PLVAP: variants seen among roughly 807,000 people sequenced by gnomAD.
The protein encoded by PLVAP is plasmalemma vesicle associated protein.
A neutral mutation model predicts 43.1 loss-of-function variants in PLVAP; 34 were observed. The observed-to-expected ratio is 0.79, with a 90% CI of 0.60 to 1.05. The LOEUF (loss-of-function observed/expected upper bound fraction) is 1.05. Ranked by LOEUF, PLVAP falls within the 50% of genes least tolerant of loss-of-function variation. The probability of loss-of-function intolerance (pLI) is 0.00; values close to 1 mark genes in which losing one functional copy is unlikely to be tolerated. For synonymous variants in PLVAP, 241 were observed against 237.3 expected (o/e 1.02, Z -0.14); for missense variants, 574 against 593.4 (o/e 0.97, Z 0.34).
At chr19:17,360,737 C>G (rs1568374002) in intron 4 of PLVAP, 35 bp downstream of exon 4, 2 of 1,605,142 alleles carry the variant, frequency 1.2e-6, no homozygotes, top group Non-Finnish European at 1.7e-6. Flanking sequence ...GGAAAGGGGC[C>G]CCTCCCCTAC....
chr19:17,367,458 G>A (rs34030105), intron 1 of PLVAP, among the ~76,000 whole-genome samples: 73,791 of 150,832 alleles, frequency 0.49, 18,182 homozygotes, highest in African/African-American at 0.57. Flanking sequence ...GCGCGATCTC[G>A]GCTCACTGCA....
At chr19:17,353,745 C>T (rs1163058933) in intron 5 of PLVAP, among the ~76,000 whole-genome samples, 2 of 152,162 alleles carry the variant, frequency 1.3e-5, no homozygotes, top group South Asian at 2.1e-4. Context: ...TTCTCTGTCT[C>T]GCCCATCACC....
intron 1 of PLVAP, among the ~76,000 whole-genome samples, chr19:17,374,824 A>G (rs2074588397): frequency 6.8e-6 from 1 of 147,070 alleles, no homozygotes; most frequent in Admixed American, 6.9e-5. Flanking sequence ...GTATGTATGT[A>G]TGTATTTATT....
At chr19:17,365,204 A>G (rs1599575334) in intron 3 of PLVAP, 82 bp downstream of exon 3, 5 of 1,341,204 alleles carry the variant, frequency 3.7e-6, no homozygotes, top group East Asian at 2.3e-5. Flanking sequence ...CTCAAAGCCA[A>G]CTCCAAGTTC....
At chr19:17,352,666 G>A (rs1287494932) in intron 5 of PLVAP, among the ~76,000 whole-genome samples, 1 of 152,040 alleles carries the variant, frequency 6.6e-6, no homozygotes, top group African/African-American at 2.4e-5. Flanking sequence ...CACACTTCAC[G>A]AGCCCCAAGC....
At chr19:17,364,120 C>T (rs1437079536) in intron 3 of PLVAP, among the ~76,000 whole-genome samples, 2 of 151,844 alleles carry the variant, frequency 1.3e-5, no homozygotes, top group Non-Finnish European at 2.9e-5. Flanking sequence ...GAGTCTCGCT[C>T]TGTCACCCAG....
At position 17,370,619 on chromosome 19, in the gene PLVAP, T is replaced by C. The variant is rs544895959; in HGVS notation, c.370-4424A>G. Reference sequence around the variant, plus strand: ...TCCATAGAGACAGGAAGCAGGTTGGTGGCTGTCAGGGATTGGGGGAGGGGA... The same window carrying C: ...TCCATAGAGACAGGAAGCAGGTTGGCGGCTGTCAGGGATTGGGGGAGGGGA... On this transcript the variant is annotated intron_variant, in intron 1 of 5. Transcript: ENST00000252590. 2.0e-5 allele frequency among the ~76,000 whole-genome samples: 3 copies of C among 152,216 alleles called. No homozygotes were observed. In the East Asian group the frequency reaches 5.8e-4, roughly 29 times the overall value.
chr19:17,376,907 C>T lies in PLVAP; in HGVS notation c.369+13G>A. The T allele has an allele frequency of 3.1e-6, 5 of 1,606,830 alleles. No homozygotes were observed. Among genetic ancestry groups the T allele is most frequent in the African/African-American group, 1.3e-5 (1 of 75,004 alleles). The stretch of plus-strand genomic sequence containing the variant: ...CAGGGTCCCCAGGGCGAGTGTCCTG[C>T]CCACAGCCTTACCCGGTCACCCTGG... On this transcript the variant is annotated intron_variant, in intron 1 of 5. Transcript: ENST00000252590.
chr19:17,375,986 G>A (rs558888343), intron 1 of PLVAP, among the ~76,000 whole-genome samples: 86 of 151,812 alleles, frequency 5.7e-4, no homozygotes, highest in African/African-American at 1.9e-3. Flanking sequence ...TTCAAGACCA[G>A]CCTGATCAAC....
intron 1 of PLVAP, among the ~76,000 whole-genome samples, chr19:17,375,675 A>T (rs7257538): frequency 0.5 from 75,362 of 151,692 alleles, 20,320 homozygotes; most frequent in Non-Finnish European, 0.62. Context: ...TGAGGTCAGG[A>T]GTTTGAGACC....
At chr19:17,356,356 G>T (rs560722666) in intron 5 of PLVAP, among the ~76,000 whole-genome samples, 2 of 152,126 alleles carry the variant, frequency 1.3e-5, no homozygotes, top group Non-Finnish European at 2.9e-5. Context: ...ACCTCACGCC[G>T]AAGCCCAGCT....
At position 17,365,904 on chromosome 19, in the gene PLVAP, C is replaced by T; in HGVS notation, c.561G>A (p.Leu187=). ...GTTCCTCCGCCACGCGTTTGTTCAG[C>T]AGCACGCTTTCCTTATCCTTAGTGC... ...TICTKDKESV[L]LNKRVAEEQL... is the part of the protein sequence containing the mutation. The change falls in exon 3 of 6, where the codon CTG becomes CTA. Residue 187 remains leucine, a synonymous_variant. Coordinates refer to ENST00000252590, the MANE Select transcript of PLVAP (RefSeq NM_031310.3). 2.5e-6 allele frequency: 4 copies of T among 1,614,078 alleles called. No homozygotes were observed. Among genetic ancestry groups the T allele is most frequent in the South Asian group, 2.2e-5 (2 of 91,078 alleles).
At chr19:17,359,652 C>T (rs1471008348) in intron 5 of PLVAP, among the ~76,000 whole-genome samples, 1 of 149,824 alleles carries the variant, frequency 6.7e-6, no homozygotes, top group Non-Finnish European at 1.5e-5. Flanking sequence ...ATCCGCCCAC[C>T]TCGGCCTGGG....
At chr19:17,362,985 G>A (rs374086999) in intron 3 of PLVAP, among the ~76,000 whole-genome samples, 2 of 151,944 alleles carry the variant, frequency 1.3e-5, no homozygotes, top group South Asian at 2.1e-4. Context: ...TTTTAACTCC[G>A]ACCCTAACCC....
chr19:17,359,524 G>A (rs1272784222), intron 5 of PLVAP, among the ~76,000 whole-genome samples: 2 of 151,634 alleles, frequency 1.3e-5, no homozygotes, highest in East Asian at 3.9e-4. Context: ...TCCTGCCTCA[G>A]TCTCCCAAGC....
At chr19:17,368,401 AG>A (rs34637899) in intron 1 of PLVAP, among the ~76,000 whole-genome samples, 20,296 of 151,210 alleles carry the variant, frequency 0.13, 2,417 homozygotes, top group African/African-American at 0.32. Context: ...TAGTAGAGAC[AG>A]GGTTTCACCA....
chr19:17,370,100 C>T (rs1029000490), intron 1 of PLVAP, among the ~76,000 whole-genome samples: 4 of 151,438 alleles, frequency 2.6e-5, no homozygotes, highest in Admixed American at 6.6e-5. Flanking sequence ...TACACACCCA[C>T]GAGGGTGGCT....
chr19:17,364,235 G>A (rs546960010), intron 3 of PLVAP, among the ~76,000 whole-genome samples: 11 of 152,112 alleles, frequency 7.2e-5, no homozygotes, highest in East Asian at 1.9e-4. Context: ...ACAGACGCAC[G>A]CCGCCACGCC....
chr19:17,358,312 A>T (rs1044016968), intron 5 of PLVAP, among the ~76,000 whole-genome samples: 1 of 151,228 alleles, frequency 6.6e-6, no homozygotes, highest in African/African-American at 2.4e-5. Flanking sequence ...GCTGGACATG[A>T]TGCATCCTGG....
Sources: allele counts gnomAD v4.1 joint callset (sites outside exome capture counted in the v4.1 genomes callset), GRCh38; gene constraint gnomAD v4.1.1; transcripts MANE v1.5; gene names NCBI Gene and HGNC (gene_info 2026-07-23, HGNC 2026-07-21).